Variants in LYSMD4 observed in about 807,000 individuals in gnomAD.
LYSMD4 encodes lysM and putative peptidoglycan-binding domain-containing protein 4.
Under a neutral mutation model 6.1 loss-of-function variants are expected in LYSMD4, and 9 were observed. The ratio of observed to expected loss-of-function variants is 1.47; its 90% CI spans 0.88 to 2.56. The LOEUF is 2.56. Ranked by LOEUF, LYSMD4 falls within the 30% of genes most tolerant of loss-of-function variation. The pLI is 0.00. For synonymous variants in LYSMD4, 143 were observed against 148.5 expected, an observed-to-expected ratio of 0.96 and a Z score of 0.27; for missense variants, 384 against 373.5, an observed-to-expected ratio of 1.03 and a Z score of -0.23.
Position 99,731,985 on chromosome 15 carries a change from T to G in LYSMD4, c.15A>C (p.Glu5Asp), listed in dbSNP as rs767294453. The G allele has an allele frequency of 5.1e-6, 8 of 1,573,538 alleles. No homozygotes were observed. The highest frequency in any genetic ancestry group is 6.9e-6 in the Non-Finnish European group (8 of 1,155,812). Residue 5 changes from glutamate to aspartate, a missense_variant, in exon 2 of 3, where the codon GAA becomes GAC. Physicochemically the swap from Glu to Asp is conservative, Grantham distance 45. Coordinates refer to ENST00000684762, the MANE Select transcript of LYSMD4 (RefSeq NM_001284417.2). MRHE[E>D]LLTKTFQGPA... ...GGCCTTGGAAGGTCTTGGTTAACAATTCCTCGTGCCTCATTTTCTTCACTG... is the reference window on the plus strand; with the variant it reads ...GGCCTTGGAAGGTCTTGGTTAACAAGTCCTCGTGCCTCATTTTCTTCACTG...
At chr15:99,732,428 T>G (rs1440354804) in intron 1 of LYSMD4, among the ~76,000 whole-genome samples, 1 of 152,246 alleles carries the variant, frequency 6.6e-6, no homozygotes, top group Non-Finnish European at 1.5e-5. Context: ...TTCAATATTT[T>G]ACACATTGCA....
At chr15:99,717,494 G>C (rs889756930) in exon 1 of LYSMD4, 2 of 64,020 alleles carry the variant, frequency 3.1e-5, no homozygotes, top group African/African-American at 1.1e-4. Context: ...CATCTTCCAC[G>C]GGGCCAGGAG....
chr15:99,729,817 G>A (rs1027557258), intron 2 of LYSMD4, 86 bp from the exon 3 acceptor site: 64 of 1,449,780 alleles, frequency 4.4e-5, no homozygotes, highest in Non-Finnish European at 5.3e-5. Context: ...ATCTTTCTGG[G>A]TGATGATTCA....
chr15:99,729,303 C>G lies in LYSMD4; in HGVS notation c.711G>C (p.Leu237Phe), dbSNP rs776842951. ...CACTAGCTTGTATTTTAAAGTAGAC[C>G]AAATAAAAGACAGGCAAGACAATAC... ...LIGIVLPVFY[L>F]VYFKIQASGE... Residue 237 changes from leucine (L) to phenylalanine (F), a missense_variant, in exon 3 of 3, where the codon TTG becomes TTC. Transcript: ENST00000684762. The G allele has an allele frequency of 2.5e-6, 4 of 1,614,122 alleles. No individual in the cohort carries two copies. Among genetic ancestry groups the G allele is most frequent in the Non-Finnish European group, 2.5e-6 (3 of 1,180,022 alleles).
At chr15:99,716,293 T>G in exon 1 of LYSMD4, 1 of 346,122 alleles carries the variant, frequency 2.9e-6, no homozygotes, top group South Asian at 2.3e-5. Context: ...AGCTGGACTT[T>G]GTTGCCATCC....
At chr15:99,726,146 GTTTTTTTTT>G (rs10637642), downstream of LYSMD4, among the ~76,000 whole-genome samples, 1,060 of 62,216 alleles carry the variant, frequency 0.017, 15 homozygotes, top group Middle Eastern at 0.13. Flanking sequence ...GTCTCAAGTG[GTTTTTTTTT>G]TTTTTTTTTT....
chr15:99,731,689 C>G (rs372965949), intron 2 of LYSMD4, 29 bp downstream of exon 2: 62 of 1,547,240 alleles, frequency 4.0e-5, no homozygotes, highest in Non-Finnish European at 5.2e-5. Flanking sequence ...TGAAACGGAG[C>G]GGGGCAGGGC....
chr15:99,728,908 TAGGGG>T lies in LYSMD4; in HGVS notation c.*210_*214del. 2 of 621,448 alleles carry T rather than the reference TAGGGG, an allele frequency of 3.2e-6. No individual in the cohort carries two copies. The allele number at this position is 621,448 out of a possible 1,614,324, so 38.5% of individuals were successfully genotyped here. A position where few individuals can be genotyped will look rare whatever the true frequency, so the allele number is the denominator to read the frequency against. ...GGCTCTCTTGCTGCACCTCTCTGGA[TAGGGG>T]CCGAGGTCGCTGCTGTTTTAGATCC... is the stretch of plus-strand genomic sequence containing the variant. On this transcript the variant is annotated 3_prime_UTR_variant, in exon 3 of 3. Coordinates refer to ENST00000684762, the MANE Select transcript of LYSMD4 (RefSeq NM_001284417.2).
chr15:99,731,686 G>T, intron 2 of LYSMD4, 32 bp downstream of exon 2: 3 of 1,547,164 alleles, frequency 1.9e-6, no homozygotes, highest in Non-Finnish European at 2.6e-6. Flanking sequence ...CCTTGAAACG[G>T]AGCGGGGCAG....
upstream of LYSMD4, among the ~76,000 whole-genome samples, chr15:99,721,257 G>A (rs940712389): frequency 6.6e-6 from 1 of 152,302 alleles, no homozygotes; most frequent in African/African-American, 2.4e-5. Flanking sequence ...ATGCAACAAG[G>A]AAATGGGGCA....
At chr15:99,716,989 CAG>C (rs1364365060) in exon 1 of LYSMD4, 1 of 286,116 alleles carries the variant, frequency 3.5e-6, no homozygotes, top group Non-Finnish European at 7.0e-6. Context: ...ATTGAGTTTT[CAG>C]AGTGTTAGGT....
At chr15:99,716,851 G>A in exon 1 of LYSMD4, 1 of 358,960 alleles carries the variant, frequency 2.8e-6, no homozygotes, top group South Asian at 2.0e-5. Flanking sequence ...TGTTAGAGGG[G>A]GTGGGTATGT....
In LYSMD4 at chr15:99,731,876, C is replaced by A. The variant is rs1424743572; in HGVS notation, c.124G>T (p.Glu42Ter). Residue 42 changes from glutamate (E) to a stop codon, truncating the protein, a stop_gained, in exon 2 of 3, where the codon GAG becomes TAG. Coordinates refer to ENST00000684762, the MANE Select transcript of LYSMD4 (RefSeq NM_001284417.2). LOFTEE classifies it high-confidence loss of function. ...GGCCGCAAAACCACACGGTGAGACT[C>A]TTCTTCAGAAGAGTCCCCCGAGTCC... ...SGDSGDSSEE[E>*]SHRVVLRPRG... 1 of 1,613,614 alleles carries A rather than the reference C, an allele frequency of 6.2e-7. No homozygotes were observed. Among genetic ancestry groups the A allele is most frequent in the South Asian group, 1.1e-5 (1 of 91,078 alleles).
At chr15:99,723,249 T>C (rs1248394794), downstream of LYSMD4, among the ~76,000 whole-genome samples, 1 of 152,158 alleles carries the variant, frequency 6.6e-6, no homozygotes, top group Non-Finnish European at 1.5e-5. Context: ...GATGAAACTA[T>C]ACAAACCCAC....
chr15:99,716,159 CTGCTT>C (rs1226756853), exon 1 of LYSMD4: 2 of 169,316 alleles, frequency 1.2e-5, no homozygotes, highest in African/African-American at 4.8e-5. Flanking sequence ...CAAGAAGACA[CTGCTT>C]TGCTATATTT....
At chr15:99,732,209 T>C (rs6422004) in intron 1 of LYSMD4, among the ~76,000 whole-genome samples, 147,301 of 152,326 alleles carry the variant, frequency 0.97, 71,391 homozygotes, top group East Asian at 1. Flanking sequence ...CCCTTTGTTT[T>C]TTCTAATCGC....
At chr15:99,720,623 G>C (rs548571007), upstream of LYSMD4, among the ~76,000 whole-genome samples, 12 of 152,316 alleles carry the variant, frequency 7.9e-5, no homozygotes, top group South Asian at 2.5e-3. Flanking sequence ...TGCAGCTGCA[G>C]CTTCCTGGCA....
At chr15:99,721,420 CAGCTG>C (rs905928054), upstream of LYSMD4, among the ~76,000 whole-genome samples, 16 of 152,324 alleles carry the variant, frequency 1.1e-4, no homozygotes, top group African/African-American at 3.6e-4. Context: ...TCTAACTACT[CAGCTG>C]AGCTAAGACT....
chr15:99,716,810 A>C lies in LYSMD4; in HGVS notation c.-13T>G, dbSNP rs551943733. Reference sequence around the variant, plus strand: ...GAGTGGAATCCATTCGGCCTCCAGTAACTGCTTCTCACAGGAAATACGCCA... The same window carrying C: ...GAGTGGAATCCATTCGGCCTCCAGTCACTGCTTCTCACAGGAAATACGCCA... On this transcript the variant is annotated 5_prime_UTR_variant, in exon 1 of 1. Coordinates refer to the LYSMD4 transcript ENST00000378904. 484 of 393,114 alleles carry C rather than the reference A, an allele frequency of 1.2e-3. 1 individual carries two copies. The highest frequency in any genetic ancestry group is 9.0e-3 in the African/African-American group (428 of 47,714). The allele number at this position is 393,114 out of a possible 1,614,324, so 24.4% of individuals were successfully genotyped here. A position where few individuals can be genotyped will look rare whatever the true frequency, so the allele number is the denominator to read the frequency against.
Sources: gnomAD v4.1 joint callset for allele counts (sites outside exome capture counted in the v4.1 genomes callset) on GRCh38, gnomAD v4.1.1 for gene constraint, MANE v1.5 for transcripts, NCBI Gene and HGNC (gene_info 2026-07-23, HGNC 2026-07-21) for gene names.